RALGPS2: variants seen among roughly 807,000 people sequenced by gnomAD.
RALGPS2 encodes ras-specific guanine nucleotide-releasing factor RalGPS2.
Under a neutral mutation model 86.8 loss-of-function variants are expected in RALGPS2, and 43 were observed. That is an observed-to-expected ratio of 0.50 (90% CI 0.39 to 0.64). The LOEUF (loss-of-function observed/expected upper bound fraction) is 0.64, where lower values mean the gene tolerates loss of function less well. Ranked by LOEUF, RALGPS2 falls within the 30% of genes least tolerant of loss-of-function variation. The probability of loss-of-function intolerance (pLI) is 0.00; values close to 1 mark genes in which losing one functional copy is unlikely to be tolerated. For synonymous variants in RALGPS2, 243 were observed against 231.3 expected (o/e 1.05, Z -0.46); for missense variants, 536 against 694.6 (o/e 0.77, Z 2.57).
chr1:178,729,791 A>G (rs1650232547), intron 1 of RALGPS2, among the ~76,000 whole-genome samples: 1 of 152,258 alleles, frequency 6.6e-6, no homozygotes, highest in South Asian at 2.1e-4. Flanking sequence ...AGGTACTCAG[A>G]TAACCTGTAA....
intron 8 of RALGPS2, among the ~76,000 whole-genome samples, chr1:178,844,046 A>G (rs1218805232): frequency 2.0e-5 from 3 of 152,204 alleles, no homozygotes; most frequent in Non-Finnish European, 4.4e-5. Flanking sequence ...GGCTTAGTAC[A>G]GTTGACAAAA....
chr1:178,731,463 G>C (rs1463482615), intron 1 of RALGPS2, among the ~76,000 whole-genome samples: 2 of 151,002 alleles, frequency 1.3e-5, no homozygotes, highest in Non-Finnish European at 3.0e-5. Flanking sequence ...TTGTATTTTT[G>C]GTAGAGATGG....
chr1:178,822,561 C>T (rs944747330), intron 7 of RALGPS2, among the ~76,000 whole-genome samples: 3 of 151,968 alleles, frequency 2.0e-5, no homozygotes, highest in African/African-American at 7.2e-5. Flanking sequence ...TTTATAGTAT[C>T]TGAAGAGACA....
intron 1 of RALGPS2, among the ~76,000 whole-genome samples, chr1:178,757,497 A>G (rs1277095231): frequency 2.0e-5 from 3 of 152,120 alleles, no homozygotes; most frequent in African/African-American, 7.2e-5. Context: ...GGTTTTTATC[A>G]TAAGGGATGT....
chr1:178,799,723 C>T (rs556408527), intron 4 of RALGPS2, among the ~76,000 whole-genome samples: 2 of 152,172 alleles, frequency 1.3e-5, no homozygotes, highest in African/African-American at 2.4e-5. Context: ...CCCAGAGCCC[C>T]GTGTGTTCAA....
chr1:178,784,166 C>T (rs1273452453), intron 2 of RALGPS2, among the ~76,000 whole-genome samples: 2 of 151,962 alleles, frequency 1.3e-5, no homozygotes, highest in East Asian at 3.9e-4. Context: ...GATAGGTTGT[C>T]AGGATGAGGA....
intron 8 of RALGPS2, among the ~76,000 whole-genome samples, chr1:178,833,902 G>A (rs1452800766): frequency 5.3e-5 from 8 of 152,154 alleles, no homozygotes; most frequent in African/African-American, 1.9e-4. Context: ...TCCTTATATA[G>A]TGAGGAGATA....
At chr1:178,781,500 G>A (rs979854437) in intron 2 of RALGPS2, among the ~76,000 whole-genome samples, 1 of 152,098 alleles carries the variant, frequency 6.6e-6, no homozygotes, top group African/African-American at 2.4e-5. Flanking sequence ...CTATTCTCCT[G>A]GTGAACATTA....
intron 1 of RALGPS2, among the ~76,000 whole-genome samples, chr1:178,774,728 C>T (rs1652992887): frequency 1.3e-5 from 2 of 152,112 alleles, no homozygotes; most frequent in South Asian, 2.1e-4. Flanking sequence ...TAAGTAGGTG[C>T]GTTAAATGGT....
chr1:178,768,613 C>CAGTGGG (rs1341401780), intron 1 of RALGPS2, among the ~76,000 whole-genome samples: 3 of 152,150 alleles, frequency 2.0e-5, no homozygotes, highest in Non-Finnish European at 4.4e-5. Context: ...TTGCCTCAGG[C>CAGTGGG]AGTGGGCTGA....
intron 8 of RALGPS2, among the ~76,000 whole-genome samples, chr1:178,851,692 G>C (rs1382885165): frequency 6.6e-6 from 1 of 152,074 alleles, no homozygotes; most frequent in Non-Finnish European, 1.5e-5. Flanking sequence ...AAATAAAATA[G>C]CAAAAAATAA....
At chr1:178,915,848 A>G (rs779146844) in intron 19 of RALGPS2, among the ~76,000 whole-genome samples, 6 of 152,204 alleles carry the variant, frequency 3.9e-5, no homozygotes, top group Non-Finnish European at 7.4e-5. Flanking sequence ...GTTTTTCTGT[A>G]CTTATTTTAA....
intron 19 of RALGPS2, among the ~76,000 whole-genome samples, chr1:178,911,046 A>G (rs1468694992): frequency 6.6e-6 from 1 of 152,014 alleles, no homozygotes; most frequent in Non-Finnish European, 1.5e-5. Context: ...GTTTGTGTGC[A>G]TATAAGTGTT....
At chr1:178,829,497 C>T (rs1342040062) in intron 7 of RALGPS2, among the ~76,000 whole-genome samples, 2 of 152,102 alleles carry the variant, frequency 1.3e-5, no homozygotes, top group Non-Finnish European at 2.9e-5. Context: ...GTTGTGTGCT[C>T]CTTATGAGAA....
At chr1:178,839,761 G>A (rs12022810) in intron 8 of RALGPS2, among the ~76,000 whole-genome samples, 1 of 152,130 alleles carries the variant, frequency 6.6e-6, no homozygotes, top group African/African-American at 2.4e-5. Context: ...GTATTCAGGA[G>A]ACCCATCTCA....
At chr1:178,770,507 C>CTTTT (rs747336558) in intron 1 of RALGPS2, among the ~76,000 whole-genome samples, 2 of 136,210 alleles carry the variant, frequency 1.5e-5, no homozygotes, top group Non-Finnish European at 1.6e-5. Flanking sequence ...ATACTTCATA[C>CTTTT]TTTTTTTTTT....
intron 19 of RALGPS2, among the ~76,000 whole-genome samples, chr1:178,912,848 C>T (rs1660675088): frequency 2.0e-5 from 3 of 152,146 alleles, no homozygotes; most frequent in Admixed American, 2.0e-4. Context: ...TACATAATCC[C>T]ATATTTATCA....
intron 13 of RALGPS2, among the ~76,000 whole-genome samples, chr1:178,887,343 C>G (rs1177301930): frequency 6.6e-6 from 1 of 152,040 alleles, no homozygotes; most frequent in African/African-American, 2.4e-5. Flanking sequence ...ATCCCAGCTA[C>G]TTAGGAGGCT....
At chr1:178,776,018 G>T (rs6670307) in intron 1 of RALGPS2, among the ~76,000 whole-genome samples, 2 of 150,992 alleles carry the variant, frequency 1.3e-5, no homozygotes, top group African/African-American at 4.9e-5. Context: ...AACAATTTAC[G>T]TAGCATTGGC....
Sources: gnomAD v4.1 joint callset for allele counts (sites outside exome capture counted in the v4.1 genomes callset) on GRCh38, gnomAD v4.1.1 for gene constraint, MANE v1.5 for transcripts, NCBI Gene and HGNC (gene_info 2026-07-23, HGNC 2026-07-21) for gene names.